PSORS1C1: variants seen among roughly 807,000 people sequenced by gnomAD.
PSORS1C1 encodes psoriasis susceptibility 1 candidate 1.
PSORS1C1 carries 7 observed loss-of-function variants against 9.4 expected under a neutral mutation model. The ratio of observed to expected loss-of-function variants is 0.75; its 90% CI spans 0.42 to 1.40. The LOEUF (loss-of-function observed/expected upper bound fraction) is 1.40, where lower values mean the gene tolerates loss of function less well. Among genes scored for constraint, PSORS1C1 ranks in the 40% most tolerant of loss-of-function variants. The pLI, the probability that PSORS1C1 is intolerant of heterozygous loss-of-function variation, is 0.01. For synonymous variants in PSORS1C1, 63 were observed against 69.4 expected, an observed-to-expected ratio of 0.91 and a Z score of 0.46; for missense variants, 146 against 178.1, an observed-to-expected ratio of 0.82 and a Z score of 1.02.
chr6:31,136,008 G>A lies in PSORS1C1; in HGVS notation c.14-2422G>A, dbSNP rs543938357. On this transcript the variant is annotated intron_variant, in intron 3 of 5. Transcript: ENST00000259881. ...GGTTGAAGCTATACGAGCCATGATC[G>A]TGCCACTGCACTCCAGCCTGGATGA... 4.6e-5 allele frequency among the ~76,000 whole-genome samples: 7 copies of A among 152,260 alleles called. No homozygotes were observed. In the South Asian group the frequency reaches 8.3e-4, roughly 18 times the overall value.
chr6:31,115,984 T>C lies in PSORS1C1; in HGVS notation c.-229+1093T>C. On this transcript the variant is annotated intron_variant, in intron 1 of 5. Coordinates refer to ENST00000259881, the MANE Select transcript of PSORS1C1 (RefSeq NM_014068.3). This position sits in a 1 kb window ranked among gnomAD's most constrained non-coding sequence, Gnocchi z 4.2. ...CCATATGGGATATAGTGTATGTGCT[T>C]GTTTGTGCCCAAGGCATGCACACAC... The C allele has an allele frequency of 6.4e-7, 1 of 1,563,008 alleles. No individual in the cohort carries two copies. Among genetic ancestry groups the C allele is most frequent in the Non-Finnish European group, 8.8e-7 (1 of 1,137,266 alleles).
rs761952633 is a variant in PSORS1C1 at position 31,117,340 on chromosome 6, G to A, written c.-229+2449G>A. 1.3e-4 allele frequency: 201 copies of A among 1,578,342 alleles called. No individual in the cohort carries two copies. Among genetic ancestry groups the A allele is most frequent in the Non-Finnish European group, 1.7e-4 (199 of 1,161,926 alleles). On this transcript the variant is annotated intron_variant, in intron 1 of 5. Coordinates refer to ENST00000259881, the MANE Select transcript of PSORS1C1 (RefSeq NM_014068.3). ...ACCCTGGGCAATGCTGGATCCGCTG[G>A]AGCTACCACTGGAGCCACCACCAGA...
intron 1 of PSORS1C1, chr6:31,116,433 GGA>G (rs2150956365): frequency 6.3e-7 from 1 of 1,591,002 alleles, no homozygotes. Flanking sequence ...CTCGAGAACT[GGA>G]GGGAGAGCAG....
intron 1 of PSORS1C1, chr6:31,116,180 GA>G: frequency 6.2e-7 from 1 of 1,613,148 alleles, no homozygotes; most frequent in Non-Finnish European, 8.5e-7. Context: ...CCAGCGGAGG[GA>G]TCAGGATGGG....
chr6:31,136,170 T>C (rs1165192703), intron 3 of PSORS1C1, among the ~76,000 whole-genome samples: 1 of 152,082 alleles, frequency 6.6e-6, no homozygotes, highest in Non-Finnish European at 1.5e-5. Context: ...GCAGATCCCA[T>C]GAGATCAGGA....
At chr6:31,121,993 G>T (rs937671548) in intron 1 of PSORS1C1, among the ~76,000 whole-genome samples, 1 of 152,214 alleles carries the variant, frequency 6.6e-6, no homozygotes, top group Non-Finnish European at 1.5e-5. Context: ...GGGGCTGAGG[G>T]AGCTGTGGAG....
At chr6:31,135,004 A>G (rs1265102) in intron 3 of PSORS1C1, among the ~76,000 whole-genome samples, 33,848 of 151,538 alleles carry the variant, frequency 0.22, 3,875 homozygotes, top group East Asian at 0.41. Flanking sequence ...TTTCTGTAGA[A>G]ACAGTTTTGC....
chr6:31,126,468 G>T (rs1315182623), intron 2 of PSORS1C1, among the ~76,000 whole-genome samples: 1 of 152,156 alleles, frequency 6.6e-6, no homozygotes, highest in African/African-American at 2.4e-5. Flanking sequence ...CTCTTCCTGA[G>T]ATTATTCCTG....
intron 3 of PSORS1C1, among the ~76,000 whole-genome samples, chr6:31,135,198 A>C (rs1581866051): frequency 6.6e-6 from 1 of 152,150 alleles, no homozygotes; most frequent in Non-Finnish European, 1.5e-5. Flanking sequence ...GGAATTGCAA[A>C]TACATGTTAA....
rs1773343057 is a variant in PSORS1C1 at position 31,139,586 on chromosome 6, C to A, written c.168-55C>A. The A allele has an allele frequency of 6.4e-7, 1 of 1,574,640 alleles. No homozygotes were observed. Among genetic ancestry groups the A allele is most frequent in the Non-Finnish European group, 8.6e-7 (1 of 1,156,304 alleles). On this transcript the variant is annotated intron_variant, in intron 5 of 5. Coordinates refer to ENST00000259881, the MANE Select transcript of PSORS1C1 (RefSeq NM_014068.3). The surrounding 1 kb of genome is among the most constrained non-coding windows in gnomAD (Gnocchi z 5.2). ...CTGGGGCTTCGTGCTTTCCTGGGCA[C>A]TTCCCTTCCCCCATGGGATCCAGGC...
In PSORS1C1 at chr6:31,140,045, T is replaced by C; in HGVS notation, c.*113T>C. On this transcript the variant is annotated 3_prime_UTR_variant, in exon 6 of 6. Transcript: ENST00000259881. The surrounding 1 kb of genome is among the most constrained non-coding windows in gnomAD (Gnocchi z 4.6). Reference sequence around the variant, plus strand: ...TAAAATTTGATTCCTCCCAGGTTGTTCCCTGCCTGGTCCGCTACCCCACAG... The same window carrying C: ...TAAAATTTGATTCCTCCCAGGTTGTCCCCTGCCTGGTCCGCTACCCCACAG... 9.7e-7 allele frequency: 1 copy of C among 1,025,648 alleles called. No individual in the cohort carries two copies. The highest frequency in any genetic ancestry group is 1.5e-6 in the Non-Finnish European group (1 of 684,670). The allele number at this position is 1,025,648 out of a possible 1,614,324, so 63.5% of individuals were successfully genotyped here.
At chr6:31,126,084 G>GCA (rs1207772180) in intron 2 of PSORS1C1, among the ~76,000 whole-genome samples, 14 of 152,142 alleles carry the variant, frequency 9.2e-5, no homozygotes, top group Admixed American at 5.9e-4. Context: ...GTGGCAGTGG[G>GCA]CATGTGCACT....
chr6:31,130,720 A>G (rs994407074), intron 3 of PSORS1C1, among the ~76,000 whole-genome samples: 1 of 151,252 alleles, frequency 6.6e-6, no homozygotes, highest in Non-Finnish European at 1.5e-5. Flanking sequence ...AATGTTAAAC[A>G]TTTTTTTTGT....
chr6:31,117,225 A>G, intron 1 of PSORS1C1: 2 of 1,613,652 alleles, frequency 1.2e-6, no homozygotes, highest in South Asian at 2.2e-5. Context: ...GCTGGGAGGA[A>G]CCGGATGCAC....
At chr6:31,116,249 C>T in intron 1 of PSORS1C1, 1 of 1,614,026 alleles carries the variant, frequency 6.2e-7, no homozygotes, top group East Asian at 2.2e-5. Context: ...CAAGGGTGAC[C>T]AGAAGAGCTG....
rs2844633 is a variant in PSORS1C1 at position 31,128,412 on chromosome 6, C to T, written c.-64-1157C>T. On this transcript the variant is annotated intron_variant, in intron 2 of 5. Transcript: ENST00000259881. This position sits in a 1 kb window ranked among gnomAD's most constrained non-coding sequence, Gnocchi z 4.3. ...TCCCATCCCAAGGTCACATAGAGAA[C>T]GAATGGCTAAGTAGCGACAAGAACC... Among the ~76,000 whole-genome samples, 32,952 of 151,916 alleles carry T rather than the reference C, an allele frequency of 0.22. 3,606 individuals carry two copies. Among genetic ancestry groups the T allele is most frequent in the East Asian group, 0.35 (1,826 of 5,154 alleles).
At chr6:31,136,011 C>T (rs1295177309) in intron 3 of PSORS1C1, among the ~76,000 whole-genome samples, 1 of 152,164 alleles carries the variant, frequency 6.6e-6, no homozygotes, top group African/African-American at 2.4e-5. Flanking sequence ...CATGATCGTG[C>T]CACTGCACTC....
intron 3 of PSORS1C1, among the ~76,000 whole-genome samples, chr6:31,136,879 G>A (rs1333110858): frequency 1.3e-5 from 2 of 152,180 alleles, no homozygotes; most frequent in African/African-American, 2.4e-5. Context: ...GGCCGGGCAC[G>A]GTGGCTCACG....
At chr6:31,137,040 C>T (rs1300578550) in intron 3 of PSORS1C1, among the ~76,000 whole-genome samples, 1 of 152,020 alleles carries the variant, frequency 6.6e-6, no homozygotes, top group Non-Finnish European at 1.5e-5. Context: ...CCCAGCTACT[C>T]AGAAGGCTGA....
Sources: allele counts gnomAD v4.1 joint callset (sites outside exome capture counted in the v4.1 genomes callset), GRCh38; gene constraint gnomAD v4.1.1; non-coding constraint Gnocchi (gnomAD v3.1); transcripts MANE v1.5; gene names NCBI Gene and HGNC (gene_info 2026-07-23, HGNC 2026-07-21).